The following SCMH1 variants were observed in gnomAD, a reference collection of about 807,000 sequenced individuals.
SCMH1 encodes the protein Scm polycomb group protein homolog 1.
A neutral mutation model predicts 70.8 loss-of-function variants in SCMH1; 37 were observed. That is an observed-to-expected ratio of 0.52 (90% CI 0.40 to 0.69). SCMH1 has a LOEUF of 0.69. Among genes scored for constraint, SCMH1 ranks in the 30% least tolerant of loss-of-function variants. The pLI is 0.00. For missense variants in SCMH1, 607 were observed against 827.3 expected (o/e 0.73, Z 3.27); for synonymous variants, 292 against 307.4 (o/e 0.95, Z 0.52).
intron 10 of SCMH1, among the ~76,000 whole-genome samples, chr1:41,053,099 G>A (rs984025960): frequency 1.4e-5 from 2 of 147,268 alleles, no homozygotes; most frequent in Non-Finnish European, 3.0e-5. Context: ...TGTATTTTTA[G>A]TAGAGATGGG....
chr1:41,076,759 T>C (rs771682441), intron 8 of SCMH1, among the ~76,000 whole-genome samples: 1 of 151,874 alleles, frequency 6.6e-6, no homozygotes, highest in Non-Finnish European at 1.5e-5. Flanking sequence ...GTTTGAGAAA[T>C]TGGAAAGGAG....
At chr1:41,155,346 G>GT (rs1424959017) in intron 4 of SCMH1, among the ~76,000 whole-genome samples, 1 of 152,106 alleles carries the variant, frequency 6.6e-6, no homozygotes, top group African/African-American at 2.4e-5. Flanking sequence ...CCTAGTATAT[G>GT]TTAAGCCTGG....
chr1:41,142,011 G>C (rs1347401600), intron 6 of SCMH1, among the ~76,000 whole-genome samples: 1 of 152,152 alleles, frequency 6.6e-6, no homozygotes, highest in Non-Finnish European at 1.5e-5. Context: ...TGGAGGTGGG[G>C]ACAGAAAGTG....
chr1:41,124,546 ACTT>A (rs1672712435), intron 6 of SCMH1, among the ~76,000 whole-genome samples: 3 of 152,086 alleles, frequency 2.0e-5, no homozygotes. Context: ...CACAGTTTGG[ACTT>A]CTTCTGATCG....
At chr1:41,241,467 T>C (rs1382591345) in intron 1 of SCMH1, among the ~76,000 whole-genome samples, 1 of 151,238 alleles carries the variant, frequency 6.6e-6, no homozygotes. Flanking sequence ...AGGACGCTGC[T>C]GACAGCTCCG....
intron 4 of SCMH1, chr1:41,159,812 T>C: frequency 6.8e-7 from 1 of 1,476,676 alleles, no homozygotes; most frequent in Non-Finnish European, 9.0e-7. Context: ...ACTTTTAGAG[T>C]AAAGTCTGAG....
At chr1:41,208,448 TA>T (rs948791565) in intron 1 of SCMH1, among the ~76,000 whole-genome samples, 6 of 93,102 alleles carry the variant, frequency 6.4e-5, no homozygotes, top group Non-Finnish European at 1.1e-4. Context: ...AAAAAAAAAA[TA>T]AAAAATAAAA....
chr1:41,043,031 T>C (rs563236495), intron 12 of SCMH1: 1 of 152,320 alleles, frequency 6.6e-6, no homozygotes, highest in South Asian at 2.1e-4. Flanking sequence ...TAAAGGACAT[T>C]AGTGTGACAA....
At chr1:41,129,987 C>T (rs1674223085) in intron 6 of SCMH1, among the ~76,000 whole-genome samples, 1 of 152,182 alleles carries the variant, frequency 6.6e-6, no homozygotes, top group Non-Finnish European at 1.5e-5. Flanking sequence ...TCCTCATCAA[C>T]ACTTGTTATT....
chr1:41,057,505 C>G (rs1238654651), intron 10 of SCMH1, among the ~76,000 whole-genome samples: 2 of 152,104 alleles, frequency 1.3e-5, no homozygotes, highest in African/African-American at 4.8e-5. Flanking sequence ...CCACCTTGAC[C>G]TCCCAAAGTA....
chr1:41,161,238 T>C, intron 3 of SCMH1, 126 bp downstream of exon 3: 1 of 1,422,008 alleles, frequency 7.0e-7, no homozygotes, highest in Non-Finnish European at 9.5e-7. Flanking sequence ...CTCTGTAAAC[T>C]GCAATATTTG....
At chr1:41,071,888 TCTC>T (rs1378194583) in intron 9 of SCMH1, among the ~76,000 whole-genome samples, 2 of 152,296 alleles carry the variant, frequency 1.3e-5, no homozygotes, top group Admixed American at 1.3e-4. Flanking sequence ...GTCTCGAACT[TCTC>T]CTGCTCAAGC....
At chr1:41,100,630 A>G (rs1188723076) in intron 8 of SCMH1, among the ~76,000 whole-genome samples, 1 of 146,874 alleles carries the variant, frequency 6.8e-6, no homozygotes, top group African/African-American at 2.6e-5. Flanking sequence ...CAGTGGCACG[A>G]TCTCGGCTCA....
At chr1:41,139,391 A>C (rs1643850503) in intron 6 of SCMH1, among the ~76,000 whole-genome samples, 1 of 152,130 alleles carries the variant, frequency 6.6e-6, no homozygotes, top group Admixed American at 6.5e-5. Flanking sequence ...ATCCCCATTA[A>C]AAAGTAACTG....
intron 13 of SCMH1, among the ~76,000 whole-genome samples, chr1:41,030,427 C>T (rs577892832): frequency 7.2e-5 from 11 of 152,254 alleles, no homozygotes; most frequent in South Asian, 2.1e-4. Context: ...CCTTACTCGC[C>T]GTGCTTCAAA....
At chr1:41,033,059 A>T (rs1644774214) in intron 13 of SCMH1, among the ~76,000 whole-genome samples, 2 of 151,762 alleles carry the variant, frequency 1.3e-5, no homozygotes, top group South Asian at 4.2e-4. Context: ...TGGGAGGCTG[A>T]GGCAGGCAGA....
intron 4 of SCMH1, among the ~76,000 whole-genome samples, chr1:41,158,069 T>G (rs1195288143): frequency 6.6e-6 from 1 of 152,152 alleles, no homozygotes; most frequent in Admixed American, 6.5e-5. Context: ...AGAGCAAATC[T>G]GAGTTTAAAT....
intron 8 of SCMH1, among the ~76,000 whole-genome samples, chr1:41,111,324 C>A (rs1669192028): frequency 6.6e-6 from 1 of 152,178 alleles, no homozygotes; most frequent in Non-Finnish European, 1.5e-5. Flanking sequence ...CTGTCCACTT[C>A]TCCAACATCA....
intron 6 of SCMH1, among the ~76,000 whole-genome samples, chr1:41,128,977 G>A (rs900817209): frequency 7.2e-5 from 11 of 151,930 alleles, no homozygotes; most frequent in African/African-American, 9.7e-5. Context: ...TATCTTGTAT[G>A]TTCTACCTCT....
Sources: allele counts gnomAD v4.1 joint callset (sites outside exome capture counted in the v4.1 genomes callset), GRCh38; gene constraint gnomAD v4.1.1; transcripts MANE v1.5; gene names NCBI Gene and HGNC (gene_info 2026-07-23, HGNC 2026-07-21).